The following AMDHD2 variants were observed in gnomAD, a reference collection of about 807,000 sequenced individuals.
AMDHD2 encodes amidohydrolase domain containing 2.
A neutral mutation model predicts 41.8 loss-of-function variants in AMDHD2; 24 were observed. The ratio of observed to expected loss-of-function variants is 0.57; its 90% confidence interval spans 0.42 to 0.81. The LOEUF (loss-of-function observed/expected upper bound fraction) is 0.81, where lower values mean the gene tolerates loss of function less well. AMDHD2 is among the 30% of genes least tolerant of loss of function. The pLI is 0.00. For synonymous variants in AMDHD2, 332 were observed against 255.5 expected (o/e 1.30, Z -2.85); for missense variants, 540 against 588.5 (o/e 0.92, Z 0.85).
At position 2,520,835 on chromosome 16, in the gene AMDHD2, C is replaced by T. The variant is rs759620035; in HGVS notation, c.150C>T (p.Arg50=). The change falls in exon 2 of 11, where the codon CGC becomes CGT. Residue 50 remains arginine (R), a synonymous_variant. Transcript: ENST00000293971. ...DPEKLFFEER[R]VADERRDCGG... The stretch of plus-strand genomic sequence containing the variant: ...AGAAGCTGTTCTTTGAGGAGCGGCG[C>T]GTGGCCGACGAGCGGCGGGACTGCG... The T allele has an allele frequency of 1.5e-5, 24 of 1,611,902 alleles. No homozygotes were observed. The South Asian group carries it at 2.4e-4, about 16-fold the overall frequency.
rs753520841 is a variant in AMDHD2 at position 2,521,019 on chromosome 16, G to T, written c.256G>T (p.Asp86Tyr). 1 of 1,610,804 alleles carries T rather than the reference G, an allele frequency of 6.2e-7. No homozygotes were observed. Among genetic ancestry groups the T allele is most frequent in the Non-Finnish European group, 8.5e-7 (1 of 1,178,128 alleles). ...FGVDFSQATE[D>Y]VGSGVALVAR... ...TGTTGACTTCTCTCAAGCCACGGAGGACGTGGGTTCGGGGGTTGCCCTCGT... is the reference window on the plus strand; with the variant it reads ...TGTTGACTTCTCTCAAGCCACGGAGTACGTGGGTTCGGGGGTTGCCCTCGT... Residue 86 changes from aspartate to tyrosine, a missense_variant, in exon 3 of 11, where the codon GAC becomes TAC. By Grantham distance (160) the Asp-to-Tyr change is radical. Coordinates refer to ENST00000293971, the MANE Select transcript of AMDHD2 (RefSeq NM_001330449.2).
chr16:2,522,778 T>G (rs1403790245), intron 3 of AMDHD2, among the ~76,000 whole-genome samples: 1 of 151,942 alleles, frequency 6.6e-6, no homozygotes, highest in Non-Finnish European at 1.5e-5. Context: ...CCTCCCATAG[T>G]GCTGGGATTA....
At chr16:2,522,964 C>T (rs1417263684) in intron 3 of AMDHD2, among the ~76,000 whole-genome samples, 3 of 151,406 alleles carry the variant, frequency 2.0e-5, no homozygotes, top group African/African-American at 7.3e-5. Context: ...CTGCCTCAGT[C>T]GCCCGAGTAG....
At chr16:2,528,876 C>T (rs2066045722) in intron 9 of AMDHD2, 118 bp from the exon 10 acceptor site, 3 of 1,480,710 alleles carry the variant, frequency 2.0e-6, no homozygotes, top group African/African-American at 1.4e-5. Flanking sequence ...GGCAGACCAG[C>T]AGGGTCCTTG....
In AMDHD2 at chr16:2,527,505, G is replaced by A; in HGVS notation, c.361-56G>A. On this transcript the variant is annotated intron_variant, in intron 3 of 10. Transcript: ENST00000293971. The surrounding 1 kb of genome is among the most constrained non-coding windows in gnomAD (Gnocchi z 6.1). ...TGAGATCTCTGGCCTTGGCTAGGCT[G>A]TGGCCTCTGGGAATGGGCTGTGGGG... 4 of 1,576,116 alleles carry A rather than the reference G, an allele frequency of 2.5e-6. No homozygotes were observed. The highest frequency in any genetic ancestry group is 3.5e-6 in the Non-Finnish European group (4 of 1,156,598).
rs749714051 is a variant in AMDHD2, at chr16:2,531,087, C to T, written c.*1524C>T. 1.3e-6 allele frequency: 2 copies of T among 1,573,488 alleles called. No homozygotes were observed. The highest frequency in any genetic ancestry group is 2.3e-5 in the South Asian group (2 of 85,212). On this transcript the variant is annotated 3_prime_UTR_variant, in exon 11 of 11. Coordinates refer to ENST00000293971, the MANE Select transcript of AMDHD2 (RefSeq NM_001330449.2). Reference sequence around the variant, plus strand: ...TGATGTGCCCATCCTCAGCTAAAACCCAGAGCTGGCATGTTGGTCATCCCC... The same window carrying T: ...TGATGTGCCCATCCTCAGCTAAAACTCAGAGCTGGCATGTTGGTCATCCCC...
Position 2,520,447 on chromosome 16 carries a change from ACACGGCTCACGATG to A in AMDHD2, c.-10_4del, listed in dbSNP as rs1253668859. 1.9e-5 allele frequency: 23 copies of A among 1,230,682 alleles called. No individual in the cohort carries two copies. Among genetic ancestry groups the A allele is most frequent in the South Asian group, 4.1e-5 (1 of 24,520 alleles). 76.2% of individuals were successfully genotyped at this position (1,230,682 alleles called of 1,614,324 possible). A position where few individuals can be genotyped will look rare whatever the true frequency, so the allele number is the denominator to read the frequency against. On this transcript the variant is annotated start_lost and 5_prime_UTR_variant, in exon 1 of 11. Coordinates refer to ENST00000293971, the MANE Select transcript of AMDHD2 (RefSeq NM_001330449.2). Reference sequence around the variant, plus strand: ...GGGGCTCCGGAGCCGCTCGCTCCCGACACGGCTCACGATGCGCGGCGAGCAGGGCGCGGCGGGGG... The same window carrying A: ...GGGGCTCCGGAGCCGCTCGCTCCCGACGCGGCGAGCAGGGCGCGGCGGGGG...
At chr16:2,522,591 C>T (rs1202166639) in intron 3 of AMDHD2, among the ~76,000 whole-genome samples, 4 of 151,840 alleles carry the variant, frequency 2.6e-5, no homozygotes, top group East Asian at 3.9e-4. Context: ...GCAGGAGAAC[C>T]GCTTGAACCC....
In AMDHD2 at chr16:2,528,634, C is replaced by T. The variant is rs907623577; in HGVS notation, c.971-16C>T. 6 of 1,612,930 alleles carry T rather than the reference C, an allele frequency of 3.7e-6. No individual in the cohort carries two copies. Among genetic ancestry groups the T allele is most frequent in the African/African-American group, 2.7e-5 (2 of 74,952 alleles). Reference sequence around the variant, plus strand: ...GGCCCACGACCCCCCCAGAGCCTGCCCTCTCTGCTCTCAAGGCACCAAGAC... The same window carrying T: ...GGCCCACGACCCCCCCAGAGCCTGCTCTCTCTGCTCTCAAGGCACCAAGAC... On this transcript the variant is annotated splice_polypyrimidine_tract_variant and intron_variant, in intron 8 of 10. Coordinates refer to ENST00000293971, the MANE Select transcript of AMDHD2 (RefSeq NM_001330449.2).
intron 3 of AMDHD2, among the ~76,000 whole-genome samples, chr16:2,521,362 C>T (rs574666695): frequency 6.6e-6 from 1 of 152,282 alleles, no homozygotes; most frequent in South Asian, 2.1e-4. Context: ...GCTGGCTCAG[C>T]ACCGTCTGAG....
Position 2,530,943 on chromosome 16 carries a change from G to A in AMDHD2, c.*1380G>A, listed in dbSNP as rs1266620611. 4 of 1,613,414 alleles carry A rather than the reference G, an allele frequency of 2.5e-6. No homozygotes were observed. Among genetic ancestry groups the A allele is most frequent in the Middle Eastern group, 1.6e-4 (1 of 6,072 alleles). ...TGGCTGTCCAGCGCCTGCCTGTGCTGGGCCTGGGAGAGGAGCTGTCTTGCC... is the reference window on the plus strand; with the variant it reads ...TGGCTGTCCAGCGCCTGCCTGTGCTAGGCCTGGGAGAGGAGCTGTCTTGCC... On this transcript the variant is annotated 3_prime_UTR_variant, in exon 11 of 11. Coordinates refer to ENST00000293971, the MANE Select transcript of AMDHD2 (RefSeq NM_001330449.2).
At position 2,520,752 on chromosome 16, in the gene AMDHD2, A is replaced by C; in HGVS notation, c.84-17A>C. 6.4e-7 allele frequency: 1 copy of C among 1,555,820 alleles called. No individual in the cohort carries two copies. On this transcript the variant is annotated splice_polypyrimidine_tract_variant and intron_variant, in intron 1 of 10. Coordinates refer to ENST00000293971, the MANE Select transcript of AMDHD2 (RefSeq NM_001330449.2). ...GGTCAGGCCCGCGATGCGAGCGCCC[A>C]CCCACTGCGTCCCCAGGGAGGATCT...
At position 2,530,040 on chromosome 16, in the gene AMDHD2, T is replaced by G. The variant is rs1597001209; in HGVS notation, c.*477T>G. The G allele has an allele frequency of 2.6e-6, 2 of 776,138 alleles. No individual in the cohort carries two copies. Among genetic ancestry groups the G allele is most frequent in the Non-Finnish European group, 4.0e-6 (2 of 505,460 alleles). 48.1% of individuals were successfully genotyped at this position (776,138 alleles called of 1,614,324 possible). On this transcript the variant is annotated 3_prime_UTR_variant, in exon 11 of 11. Transcript: ENST00000293971. The stretch of plus-strand genomic sequence containing the variant: ...CACAGGGAGTGTGGACAGTCAGGGG[T>G]TTGCTTTCTGCTCCTGAGTTGGGGT...
At position 2,527,786 on chromosome 16, in the gene AMDHD2, G is replaced by A. The variant is rs1384060898; in HGVS notation, c.429G>A (p.Glu143=). Residue 143 remains glutamate, a synonymous_variant, in exon 5 of 11, where the codon GAG becomes GAA. Transcript: ENST00000293971. This position sits in a 1 kb window ranked among gnomAD's most constrained non-coding sequence, Gnocchi z 6.1. The stretch of plus-strand genomic sequence containing the variant: ...CCCTCCTCCCAGGGCTGCACCTGGA[G>A]GGCCCCTTCATCAGCCGGGAGAAGC... ...HGAGVLGLHL[E]GPFISREKRG... The A allele has an allele frequency of 3.8e-6, 6 of 1,579,020 alleles. No homozygotes were observed. In the Admixed American group the frequency reaches 5.1e-5, roughly 13 times the overall value.
Position 2,530,801 on chromosome 16 carries a change from A to T in AMDHD2, c.*1238A>T. The T allele has an allele frequency of 6.2e-7, 1 of 1,613,694 alleles. No homozygotes were observed. Among genetic ancestry groups the T allele is most frequent in the Non-Finnish European group, 8.5e-7 (1 of 1,179,954 alleles). ...GGGCACAAGGGGTTGATCTCAGCCC[A>T]CAAGCCCCAGGGGCAGCCCAGGAAA... On this transcript the variant is annotated 3_prime_UTR_variant, in exon 11 of 11. Coordinates refer to ENST00000293971, the MANE Select transcript of AMDHD2 (RefSeq NM_001330449.2).
Position 2,530,384 on chromosome 16 carries a change from A to G in AMDHD2, c.*821A>G. The G allele has an allele frequency of 6.2e-7, 1 of 1,614,032 alleles. No individual in the cohort carries two copies. Reference sequence around the variant, plus strand: ...CTGTGTCCCCTTGGCCCTGGCACACACCCATGTGGCAAACACGGGCCGTGA... The same window carrying G: ...CTGTGTCCCCTTGGCCCTGGCACACGCCCATGTGGCAAACACGGGCCGTGA... On this transcript the variant is annotated 3_prime_UTR_variant, in exon 11 of 11. Transcript: ENST00000293971.
intron 3 of AMDHD2, among the ~76,000 whole-genome samples, chr16:2,521,914 A>G (rs2065944563): frequency 1.3e-5 from 2 of 151,080 alleles, no homozygotes; most frequent in African/African-American, 4.9e-5. Flanking sequence ...CCTCCCAAGT[A>G]GCTGGGACTA....
chr16:2,521,579 C>G (rs1410826015), intron 3 of AMDHD2, among the ~76,000 whole-genome samples: 4 of 152,160 alleles, frequency 2.6e-5, no homozygotes, highest in African/African-American at 4.8e-5. Context: ...GCTTGCCCCA[C>G]GCTTCCATTT....
chr16:2,523,644 A>G (rs1292507495), intron 3 of AMDHD2, among the ~76,000 whole-genome samples: 1 of 152,142 alleles, frequency 6.6e-6, no homozygotes, highest in East Asian at 1.9e-4. Context: ...CACAGAGTCA[A>G]ATGTCAAAAA....
Sources: gnomAD v4.1 joint callset for allele counts (sites outside exome capture counted in the v4.1 genomes callset) on GRCh38, gnomAD v4.1.1 for gene constraint, Gnocchi (gnomAD v3.1) non-coding constraint, MANE v1.5 for transcripts, NCBI Gene and HGNC (gene_info 2026-07-23, HGNC 2026-07-21) for gene names.